JAZF1: variants seen among roughly 807,000 people sequenced by gnomAD.
The protein encoded by JAZF1 is JAZF zinc finger 1, also known as juxtaposed with another zinc finger protein 1.
Under a neutral mutation model 26.4 loss-of-function variants are expected in JAZF1, and 8 were observed. The observed-to-expected ratio is 0.30, with a 90% CI of 0.18 to 0.55. The LOEUF (loss-of-function observed/expected upper bound fraction) is 0.55, where lower values mean the gene tolerates loss of function less well. Ranked by LOEUF, JAZF1 falls within the 20% of genes least tolerant of loss-of-function variation. JAZF1 has a pLI of 0.94. For missense variants in JAZF1, 199 were observed against 322.0 expected (o/e 0.62, Z 2.92); for synonymous variants, 126 against 122.3 (o/e 1.03, Z -0.20).
At chr7:28,170,330 A>G (rs1783435444) in intron 1 of JAZF1, among the ~76,000 whole-genome samples, 3 of 143,590 alleles carry the variant, frequency 2.1e-5, no homozygotes, top group South Asian at 4.4e-4. Context: ...GTAAAAGAGA[A>G]GTTGATATGT....
At chr7:28,050,611 G>C (rs1460669929) in intron 1 of JAZF1, among the ~76,000 whole-genome samples, 1 of 152,068 alleles carries the variant, frequency 6.6e-6, no homozygotes, top group Non-Finnish European at 1.5e-5. Context: ...GACTATGCAT[G>C]GTGTCCAATT....
At position 27,849,752 on chromosome 7, in the gene JAZF1, G is replaced by GACACAGACACACACACACACACACAC. The variant is rs61688947; in HGVS notation, c.386-8886_386-8885insGTGTGTGTGTGTGTGTGTGTCTGTGT. On this transcript the variant is annotated intron_variant, in intron 3 of 4. Coordinates refer to ENST00000283928, the MANE Select transcript of JAZF1 (RefSeq NM_175061.4). ...ATCAATATTGGAACCCTTACACACAGACACACACACACACACACACACCCC... is the reference window on the plus strand; with the variant it reads ...ATCAATATTGGAACCCTTACACACAGACACAGACACACACACACACACACACACACACACACACACACACACACCCC... Among the ~76,000 whole-genome samples, 227 of 108,448 alleles carry GACACAGACACACACACACACACACAC rather than the reference G, an allele frequency of 2.1e-3. 3 individuals carry two copies. The highest frequency in any genetic ancestry group is 9.3e-3 in the Middle Eastern group (2 of 214). The allele number at this position is 108,448 out of a possible 152,430, so 71.1% of individuals were successfully genotyped here. A position where few individuals can be genotyped will look rare whatever the true frequency, so the allele number is the denominator to read the frequency against.
At chr7:27,910,833 C>T (rs17156005) in intron 2 of JAZF1, among the ~76,000 whole-genome samples, 3,999 of 152,210 alleles carry the variant, frequency 0.026, 67 homozygotes, top group Non-Finnish European at 0.039. Context: ...TCACCAAGTT[C>T]GTGTATGCAA....
intron 1 of JAZF1, among the ~76,000 whole-genome samples, chr7:28,110,639 A>G (rs867390169): frequency 6.6e-4 from 85 of 128,102 alleles, no homozygotes; most frequent in African/African-American, 1.3e-3. Context: ...GGAAAGGAAA[A>G]GGAAAGGAAA....
At chr7:28,078,275 T>C (rs1364982995) in intron 1 of JAZF1, among the ~76,000 whole-genome samples, 1 of 152,206 alleles carries the variant, frequency 6.6e-6, no homozygotes, top group Admixed American at 6.5e-5. Flanking sequence ...TGCAACTCTA[T>C]GCAAATTATC....
At chr7:28,150,128 G>A (rs1445930164) in intron 1 of JAZF1, among the ~76,000 whole-genome samples, 1 of 152,204 alleles carries the variant, frequency 6.6e-6, no homozygotes, top group East Asian at 1.9e-4. Context: ...GTTACTATAA[G>A]GAGGACAGGA....
intron 3 of JAZF1, among the ~76,000 whole-genome samples, chr7:27,885,066 G>A (rs1455616945): frequency 2.0e-5 from 3 of 152,162 alleles, no homozygotes; most frequent in East Asian, 1.9e-4. Flanking sequence ...AAACTCCCCC[G>A]GTTCTAAAGA....
At chr7:27,875,436 C>G (rs554516165) in intron 3 of JAZF1, among the ~76,000 whole-genome samples, 8 of 152,140 alleles carry the variant, frequency 5.3e-5, no homozygotes, top group Non-Finnish European at 1.2e-4. Context: ...ATGACATTCC[C>G]CTGTTTAAAA....
At chr7:27,835,835 A>G (rs6979972) in intron 4 of JAZF1, among the ~76,000 whole-genome samples, 16,561 of 152,214 alleles carry the variant, frequency 0.11, 993 homozygotes, top group African/African-American at 0.14. Flanking sequence ...AAAAAAAATA[A>G]ATAATGGCCG....
chr7:28,047,148 A>G (rs1370487875), intron 1 of JAZF1, among the ~76,000 whole-genome samples: 1 of 152,120 alleles, frequency 6.6e-6, no homozygotes, highest in African/African-American at 2.4e-5. Flanking sequence ...ACTCAACACT[A>G]TATATTAAAT....
At chr7:27,848,868 TAAG>T (rs1783078786) in intron 3 of JAZF1, among the ~76,000 whole-genome samples, 1 of 152,244 alleles carries the variant, frequency 6.6e-6, no homozygotes, top group Non-Finnish European at 1.5e-5. Context: ...TCTAGCTGCC[TAAG>T]AATGGGCAAA....
rs543788519 is a variant in JAZF1, at chr7:27,950,834, T to C, written c.188+41075A>G. On this transcript the variant is annotated intron_variant, in intron 2 of 4. Transcript: ENST00000283928. ...CTAATGGCTACCTCAAGGCCAAACA[T>C]AGGACACAAAATAATTACAAATCAG... 3.9e-5 allele frequency among the ~76,000 whole-genome samples: 6 copies of C among 152,142 alleles called. No individual in the cohort carries two copies. In the East Asian group the frequency reaches 5.8e-4, roughly 15 times the overall value.
chr7:27,970,550 C>G (rs1785357078), intron 2 of JAZF1, among the ~76,000 whole-genome samples: 1 of 152,150 alleles, frequency 6.6e-6, no homozygotes, highest in African/African-American at 2.4e-5. Context: ...TGGAATGAGT[C>G]ACAGTATTTT....
At chr7:27,941,530 TTAA>T (rs1784848134) in intron 2 of JAZF1, among the ~76,000 whole-genome samples, 1 of 152,236 alleles carries the variant, frequency 6.6e-6, no homozygotes, top group South Asian at 2.1e-4. Context: ...ACAGACCTGC[TTAA>T]TAATAGCATT....
At chr7:27,941,095 C>G (rs560893063) in intron 2 of JAZF1, among the ~76,000 whole-genome samples, 15 of 152,308 alleles carry the variant, frequency 9.8e-5, no homozygotes, top group African/African-American at 3.6e-4. Context: ...ATTAGGCACG[C>G]CTTCAAGATG....
intron 1 of JAZF1, among the ~76,000 whole-genome samples, chr7:28,034,166 G>C (rs1319042258): frequency 6.6e-6 from 1 of 152,052 alleles, no homozygotes; most frequent in Non-Finnish European, 1.5e-5. Flanking sequence ...ATTTCAAACT[G>C]TTCTGTGTTC....
chr7:27,881,631 C>T (rs185071452), intron 3 of JAZF1, among the ~76,000 whole-genome samples: 1 of 152,084 alleles, frequency 6.6e-6, no homozygotes, highest in Non-Finnish European at 1.5e-5. Flanking sequence ...ATGGGAGTCA[C>T]GATCATGTCT....
chr7:28,121,723 C>T (rs1298043820), intron 1 of JAZF1, among the ~76,000 whole-genome samples: 1 of 152,100 alleles, frequency 6.6e-6, no homozygotes. Flanking sequence ...CTCTGTGGGG[C>T]CTAGAAAAAG....
intron 2 of JAZF1, among the ~76,000 whole-genome samples, chr7:27,976,507 A>T (rs1422298623): frequency 5.4e-4 from 82 of 152,310 alleles, no homozygotes; most frequent in African/African-American, 1.9e-3. Context: ...CGGTAGCACG[A>T]TGCCTGGTGA....
Sources: allele counts gnomAD v4.1 joint callset (sites outside exome capture counted in the v4.1 genomes callset), GRCh38; gene constraint gnomAD v4.1.1; transcripts MANE v1.5; gene names NCBI Gene and HGNC (gene_info 2026-07-23, HGNC 2026-07-21).